Variants in ANKRD27 observed in about 807,000 individuals in gnomAD.
ANKRD27 encodes the protein ankyrin repeat domain 27, also known as ankyrin repeat domain-containing protein 27.
In ANKRD27, 112 loss-of-function variants were observed where a neutral mutation model predicts 129.7. That is an observed-to-expected ratio of 0.86 (90% CI 0.74 to 1.01). ANKRD27 has a LOEUF of 1.01. ANKRD27 is among the 50% of genes least tolerant of loss of function. ANKRD27 has a pLI of 0.00. For synonymous variants in ANKRD27, 516 were observed against 511.2 expected (o/e 1.01, Z -0.13); for missense variants, 1,258 against 1,300.5 (o/e 0.97, Z 0.50).
At chr19:32,616,382 G>A (rs770995492) in intron 21 of ANKRD27, among the ~76,000 whole-genome samples, 9 of 151,902 alleles carry the variant, frequency 5.9e-5, no homozygotes, top group South Asian at 4.2e-4. Flanking sequence ...GTGAAACCCC[G>A]TCTCTGCTAA....
rs200447574 is a variant in ANKRD27 at position 32,643,417 on chromosome 19, C to A, written c.639+14G>T. The A allele has an allele frequency of 8.4e-5, 136 of 1,613,812 alleles. No homozygotes were observed. The Admixed American group carries it at 2.2e-3, about 26-fold the overall frequency. On this transcript the variant is annotated intron_variant, in intron 7 of 28. Coordinates refer to ENST00000306065, the MANE Select transcript of ANKRD27 (RefSeq NM_032139.3). ...AACAGGGTGTGCCTCCCAGCCACTC[C>A]GCCCCACCCTCACCTCCACTGCCTG...
rs1023544866 is a variant in ANKRD27, at chr19:32,630,713, C to G, written c.1209+689G>C. On this transcript the variant is annotated intron_variant, in intron 13 of 28. Transcript: ENST00000306065. ...CGGCACAATCATAGCTCACGGCAGC[C>G]TCCAACTCCTGGCCTCAACTGATCC... 3.3e-5 allele frequency among the ~76,000 whole-genome samples: 5 copies of G among 152,254 alleles called. 1 individual carries two copies. The highest frequency in any genetic ancestry group is 7.3e-5 in the Non-Finnish European group (5 of 68,046).
chr19:32,609,213 A>G (rs918876462), intron 22 of ANKRD27, among the ~76,000 whole-genome samples: 5 of 152,184 alleles, frequency 3.3e-5, no homozygotes, highest in African/African-American at 1.2e-4. Context: ...ACCACTTTGG[A>G]AAACTGGCAG....
At chr19:32,665,461 TG>T (rs200255005) in intron 1 of ANKRD27, among the ~76,000 whole-genome samples, 72,863 of 149,512 alleles carry the variant, frequency 0.49, 20,565 homozygotes, top group Non-Finnish European at 0.65. Context: ...GGCTAATTTT[TG>T]TTTGTTTGTT....
In ANKRD27 at chr19:32,630,361, G is replaced by A. The variant is rs541062452; in HGVS notation, c.1209+1041C>T. 6.6e-5 allele frequency among the ~76,000 whole-genome samples: 10 copies of A among 152,286 alleles called. No homozygotes were observed. In the East Asian group the frequency reaches 1.9e-3, roughly 29 times the overall value. On this transcript the variant is annotated intron_variant, in intron 13 of 28. Transcript: ENST00000306065. Reference sequence around the variant, plus strand: ...GCGGGCACCTCAGCGGCCTGCCTGTGGCCAGTGTCTGAGCAGGGAGCTGCC... The same window carrying A: ...GCGGGCACCTCAGCGGCCTGCCTGTAGCCAGTGTCTGAGCAGGGAGCTGCC...
intron 17 of ANKRD27, 86 bp from the exon 18 acceptor site, chr19:32,622,705 A>G: frequency 8.1e-7 from 1 of 1,237,496 alleles, no homozygotes; most frequent in South Asian, 1.2e-5. Context: ...CTCACCAAGC[A>G]AATGTGCAGT....
At chr19:32,652,272 TAGAA>T (rs1227013092) in intron 2 of ANKRD27, among the ~76,000 whole-genome samples, 1 of 152,206 alleles carries the variant, frequency 6.6e-6, no homozygotes, top group African/African-American at 2.4e-5. Flanking sequence ...CTAGCCCCTT[TAGAA>T]AGAATTTTTT....
At chr19:32,606,373 C>T (rs1455503561) in intron 23 of ANKRD27, among the ~76,000 whole-genome samples, 1 of 152,000 alleles carries the variant, frequency 6.6e-6, no homozygotes, top group Non-Finnish European at 1.5e-5. Context: ...GGGCTGGCCT[C>T]GAACTCTTGA....
At chr19:32,605,254 G>A (rs920614893) in intron 24 of ANKRD27, among the ~76,000 whole-genome samples, 2 of 152,118 alleles carry the variant, frequency 1.3e-5, no homozygotes, top group African/African-American at 2.4e-5. Flanking sequence ...GTATGTATCT[G>A]TAGTCCCAGT....
At chr19:32,643,663 C>G (rs1321032359) in intron 5 of ANKRD27, 32 bp from the exon 6 acceptor site, 2 of 1,612,182 alleles carry the variant, frequency 1.2e-6, no homozygotes, top group South Asian at 2.2e-5. Context: ...GACAGGCCAC[C>G]CTTACCAGCA....
At chr19:32,611,334 G>C (rs1050503030) in intron 22 of ANKRD27, among the ~76,000 whole-genome samples, 6 of 152,144 alleles carry the variant, frequency 3.9e-5, no homozygotes, top group African/African-American at 1.4e-4. Flanking sequence ...TTCTTATCCT[G>C]TGTTTTCATA....
chr19:32,620,215 G>C (rs1024809571), intron 18 of ANKRD27, among the ~76,000 whole-genome samples: 2 of 150,610 alleles, frequency 1.3e-5, no homozygotes, highest in African/African-American at 4.9e-5. Flanking sequence ...CTTTACTGTA[G>C]TTCTTATGCT....
intron 5 of ANKRD27, among the ~76,000 whole-genome samples, chr19:32,643,982 C>G (rs967009361): frequency 7.2e-5 from 11 of 152,018 alleles, no homozygotes; most frequent in Admixed American, 4.6e-4. Context: ...TAAAGCCATC[C>G]TCCCACCTCG....
At chr19:32,614,043 G>GT (rs2145268217) in intron 22 of ANKRD27, among the ~76,000 whole-genome samples, 1 of 152,216 alleles carries the variant, frequency 6.6e-6, no homozygotes, top group South Asian at 2.1e-4. Context: ...TGGAGAACAG[G>GT]TAAGTGGTTG....
In ANKRD27 at chr19:32,605,647, T is replaced by C. The variant is rs1043520683; in HGVS notation, c.2493+188A>G. On this transcript the variant is annotated intron_variant, in intron 24 of 28. Transcript: ENST00000306065. The stretch of plus-strand genomic sequence containing the variant: ...GCCCTTGAGACCGCATCCCAGATGC[T>C]GGGGCACCATCTGTTCCCATCGGAG... Among the ~76,000 whole-genome samples, 18 of 152,334 alleles carry C rather than the reference T, an allele frequency of 1.2e-4. No homozygotes were observed. In the East Asian group the frequency reaches 3.3e-3, roughly 28 times the overall value.
At chr19:32,665,289 A>ATT (rs11324719) in intron 1 of ANKRD27, among the ~76,000 whole-genome samples, 5 of 129,690 alleles carry the variant, frequency 3.9e-5, no homozygotes, top group Admixed American at 7.8e-5. Flanking sequence ...AAATTCATGA[A>ATT]TTTTTTTTTT....
At chr19:32,654,165 G>A (rs1383803950) in intron 2 of ANKRD27, among the ~76,000 whole-genome samples, 2 of 152,274 alleles carry the variant, frequency 1.3e-5, no homozygotes, top group Admixed American at 6.5e-5. Context: ...CTCCCAAAGT[G>A]CTGGGATTAC....
At chr19:32,616,734 C>G (rs1041749384) in intron 21 of ANKRD27, among the ~76,000 whole-genome samples, 1 of 152,116 alleles carries the variant, frequency 6.6e-6, no homozygotes, top group East Asian at 1.9e-4. Context: ...CAGGTGCCAG[C>G]CCAGGGCTGG....
At chr19:32,640,231 G>A (rs1395323400) in intron 11 of ANKRD27, 76 bp downstream of exon 11, 28 of 1,217,116 alleles carry the variant, frequency 2.3e-5, no homozygotes, top group Non-Finnish European at 3.1e-5. Context: ...CCAAAGTGCT[G>A]GGATTACAGG....
Sources: allele counts gnomAD v4.1 joint callset (sites outside exome capture counted in the v4.1 genomes callset), GRCh38; gene constraint gnomAD v4.1.1; transcripts MANE v1.5; gene names NCBI Gene and HGNC (gene_info 2026-07-23, HGNC 2026-07-21).